LRRTM4: variants seen among roughly 807,000 people sequenced by gnomAD.
The protein encoded by LRRTM4 is leucine rich repeat transmembrane neuronal 4, also known as leucine-rich repeat transmembrane neuronal protein 4.
In LRRTM4, 25 loss-of-function variants were observed where a neutral mutation model predicts 47.6. The observed-to-expected ratio is 0.53, with a 90% CI of 0.38 to 0.73. LRRTM4 has a LOEUF of 0.73. LRRTM4 is among the 30% of genes least tolerant of loss of function. The pLI is 0.00. For synonymous variants in LRRTM4, 311 were observed against 269.5 expected (o/e 1.15, Z -1.51); for missense variants, 638 against 713.4 (o/e 0.89, Z 1.20).
At chr2:76,829,634 G>A (rs190062097) in intron 3 of LRRTM4, among the ~76,000 whole-genome samples, 1 of 152,064 alleles carries the variant, frequency 6.6e-6, no homozygotes, top group Non-Finnish European at 1.5e-5. Context: ...ATTACTCAGT[G>A]CATTTTTGTT....
chr2:77,293,228 A>C (rs917305561), intron 3 of LRRTM4, among the ~76,000 whole-genome samples: 3 of 152,270 alleles, frequency 2.0e-5, no homozygotes, highest in African/African-American at 7.2e-5. Context: ...CCAAATGAAG[A>C]AAGTTCTGAC....
At chr2:77,095,731 G>A (rs934725026) in intron 3 of LRRTM4, among the ~76,000 whole-genome samples, 4 of 151,800 alleles carry the variant, frequency 2.6e-5, no homozygotes, top group African/African-American at 7.3e-5. Context: ...GCTGGTCTCC[G>A]ACTCCTGACC....
At chr2:76,902,230 G>C (rs1400518996) in intron 3 of LRRTM4, among the ~76,000 whole-genome samples, 3 of 151,882 alleles carry the variant, frequency 2.0e-5, no homozygotes, top group African/African-American at 7.3e-5. Flanking sequence ...CAGCACTCTG[G>C]CCCTCTGGCT....
chr2:76,919,528 T>C (rs1379021882), intron 3 of LRRTM4, among the ~76,000 whole-genome samples: 2 of 152,034 alleles, frequency 1.3e-5, no homozygotes, highest in Admixed American at 1.3e-4. Flanking sequence ...ACTTTGAACT[T>C]GACTATGTAA....
At chr2:77,451,136 T>C (rs1676239129) in intron 3 of LRRTM4, among the ~76,000 whole-genome samples, 1 of 152,198 alleles carries the variant, frequency 6.6e-6, no homozygotes, top group East Asian at 1.9e-4. Context: ...TAGAGTCTTA[T>C]CCGAAGACTA....
rs992043517 is a variant in LRRTM4 at position 77,481,449 on chromosome 2, G to A, written c.1551+36869C>T. On this transcript the variant is annotated intron_variant, in intron 3 of 3. Transcript: ENST00000409884. ...CTTATCCCACACTGCAGAATGAACA[G>A]ATTAGGGTAAATGGATTCTACCTTT... 2.0e-5 allele frequency among the ~76,000 whole-genome samples: 3 copies of A among 151,982 alleles called. No individual in the cohort carries two copies. In the East Asian group the frequency reaches 5.8e-4, roughly 29 times the overall value.
chr2:76,770,255 C>G (rs900310865), intron 3 of LRRTM4, among the ~76,000 whole-genome samples: 23 of 152,186 alleles, frequency 1.5e-4, no homozygotes, highest in African/African-American at 5.1e-4. Flanking sequence ...TCTGCAATGT[C>G]ATAAATCCTT....
intron 3 of LRRTM4, among the ~76,000 whole-genome samples, chr2:77,088,882 T>C (rs1037989968): frequency 3.9e-5 from 6 of 152,236 alleles, no homozygotes; most frequent in Admixed American, 3.3e-4. Context: ...AATCTCTTTC[T>C]CCTTTCAATC....
intron 3 of LRRTM4, among the ~76,000 whole-genome samples, chr2:76,854,452 A>G (rs1479465109): frequency 6.6e-6 from 1 of 152,144 alleles, no homozygotes; most frequent in African/African-American, 2.4e-5. Flanking sequence ...CCAAAATACA[A>G]AGCTATGAGG....
Position 77,285,496 on chromosome 2 carries a change from C to G in LRRTM4, c.1551+232822G>C, listed in dbSNP as rs143450451. Among the ~76,000 whole-genome samples the G allele has an allele frequency of 2.7e-3, 404 of 151,816 alleles. 2 individuals carry two copies. Among genetic ancestry groups the G allele is most frequent in the African/African-American group, 9.2e-3 (383 of 41,442 alleles). On this transcript the variant is annotated intron_variant, in intron 3 of 3. Coordinates refer to ENST00000409884, the MANE Select transcript of LRRTM4 (RefSeq NM_001134745.3). ...GTGGCTCATGCCTGTAATCCCAGCA[C>G]TTTGGGAGACTGAGGCGGGCAGATC... is the stretch of plus-strand genomic sequence containing the variant.
At chr2:77,050,613 C>T (rs557760563) in intron 3 of LRRTM4, among the ~76,000 whole-genome samples, 1 of 152,208 alleles carries the variant, frequency 6.6e-6, no homozygotes, top group South Asian at 2.1e-4. Flanking sequence ...AAGTTATTGC[C>T]AGTAACTCCT....
chr2:77,293,494 G>T (rs929887611), intron 3 of LRRTM4, among the ~76,000 whole-genome samples: 2 of 151,940 alleles, frequency 1.3e-5, no homozygotes, highest in African/African-American at 4.8e-5. Context: ...TACTTTTTAA[G>T]ACAAAAATAT....
chr2:76,765,461 T>TG, intron 3 of LRRTM4, among the ~76,000 whole-genome samples: 1 of 152,310 alleles, frequency 6.6e-6, no homozygotes, highest in East Asian at 1.9e-4. Flanking sequence ...ACCCTCAGTA[T>TG]GGCTACATTT....
chr2:77,263,244 C>G (rs147595819), intron 3 of LRRTM4, among the ~76,000 whole-genome samples: 6 of 152,236 alleles, frequency 3.9e-5, no homozygotes, highest in African/African-American at 1.4e-4. Flanking sequence ...CTTTTCTTCA[C>G]ACCTTGTCCC....
At chr2:76,808,220 A>T (rs931914070) in intron 3 of LRRTM4, among the ~76,000 whole-genome samples, 2 of 151,346 alleles carry the variant, frequency 1.3e-5, no homozygotes, top group African/African-American at 4.9e-5. Context: ...GGATTTCATC[A>T]TGTTGGTCAG....
At chr2:77,320,022 T>C (rs2104222736) in intron 3 of LRRTM4, among the ~76,000 whole-genome samples, 1 of 152,308 alleles carries the variant, frequency 6.6e-6, no homozygotes, top group South Asian at 2.1e-4. Flanking sequence ...CTCTAACTGT[T>C]GTTTTTTTTA....
At chr2:76,881,172 A>G (rs982091436) in intron 3 of LRRTM4, among the ~76,000 whole-genome samples, 4 of 152,198 alleles carry the variant, frequency 2.6e-5, no homozygotes, top group Non-Finnish European at 5.9e-5. Flanking sequence ...TAAATTGTGT[A>G]TATGGAAACA....
chr2:77,167,863 A>G (rs1282697014), intron 3 of LRRTM4, among the ~76,000 whole-genome samples: 1 of 152,126 alleles, frequency 6.6e-6, no homozygotes, highest in African/African-American at 2.4e-5. Context: ...TGACAAGTTA[A>G]TGGGTGCACC....
Position 76,948,332 on chromosome 2 carries a change from T to TGACAAAACCCAC in LRRTM4, c.1552-199417_1552-199416insGTGGGTTTTGTC, listed in dbSNP as rs1344933454. Among the ~76,000 whole-genome samples, 5 of 152,022 alleles carry TGACAAAACCCAC rather than the reference T, an allele frequency of 3.3e-5. No homozygotes were observed. The East Asian group carries it at 9.7e-4, about 29-fold the overall frequency. ...AGAATGGAGAGGTGTGTAACCAACA[T>TGACAAAACCCAC]GACTGAACTCATGTGGGTTTTGTCA... On this transcript the variant is annotated intron_variant, in intron 3 of 3. Transcript: ENST00000409884.
Sources: gnomAD v4.1 joint callset for allele counts (sites outside exome capture counted in the v4.1 genomes callset) on GRCh38, gnomAD v4.1.1 for gene constraint, MANE v1.5 for transcripts, NCBI Gene and HGNC (gene_info 2026-07-23, HGNC 2026-07-21) for gene names.